The following ADAM2 variants were observed in gnomAD, a reference collection of about 807,000 sequenced individuals.
ADAM2 encodes disintegrin and metalloproteinase domain-containing protein 2.
ADAM2 carries 101 observed loss-of-function variants against 99.3 expected under a neutral mutation model. That is an observed-to-expected ratio of 1.02 (90% confidence interval 0.87 to 1.20). ADAM2 has a LOEUF of 1.20. ADAM2 is among the 50% of genes most tolerant of loss of function. ADAM2 has a pLI of 0.00. For missense variants in ADAM2, 948 were observed against 878.7 expected (o/e 1.08, Z -1.00); for synonymous variants, 323 against 287.6 (o/e 1.12, Z -1.25).
chr8:39,757,263 A>C (rs1233268898), intron 15 of ADAM2, among the ~76,000 whole-genome samples: 2 of 152,062 alleles, frequency 1.3e-5, no homozygotes, highest in African/African-American at 4.8e-5. Flanking sequence ...CTTTGGCTGG[A>C]AGGCATTGTA....
At chr8:39,824,919 GA>G in intron 3 of ADAM2, 22 bp from the exon 4 acceptor site, 1 of 1,065,552 alleles carries the variant, frequency 9.4e-7, no homozygotes, top group Non-Finnish European at 1.4e-6. Flanking sequence ...AGATAAAATG[GA>G]AAAATTTGAT....
chr8:39,820,093 T>C (rs1293868269), intron 6 of ADAM2, among the ~76,000 whole-genome samples: 2 of 152,110 alleles, frequency 1.3e-5, no homozygotes, highest in African/African-American at 4.8e-5. Context: ...ATCAAAGACT[T>C]ATGAAGGCAA....
Position 39,795,716 on chromosome 8 carries a change from A to AAAACAC in ADAM2, c.571-6977_571-6976insGTGTTT, listed in dbSNP as rs1803909295. Among the ~76,000 whole-genome samples the AAAACAC allele has an allele frequency of 1.5e-4, 23 of 152,308 alleles. 1 individual carries two copies. The South Asian group carries it at 3.7e-3, about 25-fold the overall frequency. On this transcript the variant is annotated intron_variant, in intron 7 of 20. Coordinates refer to ENST00000265708, the MANE Select transcript of ADAM2 (RefSeq NM_001464.5). ...GACCTCCTAAGACTGTGTTAAGGGC[A>AAAACAC]TGTTCTTAACCTTGGCAAAACAAAC...
Position 39,769,527 on chromosome 8 carries a change from A to G in ADAM2, c.1077T>C (p.Phe359=). The G allele has an allele frequency of 6.2e-7, 1 of 1,613,922 alleles. No individual in the cohort carries two copies. Among genetic ancestry groups the G allele is most frequent in the East Asian group, 2.2e-5 (1 of 44,874 alleles). Residue 359 remains phenylalanine, a synonymous_variant, in exon 12 of 21, where the codon TTT becomes TTC. Transcript: ENST00000265708. ...ACTTCTGCTTTGAAATAAAATGTGC[A>G]AAGTCTTCGAAGCTGCAGTTACTAA... ...KIFSNCSFED[F]AHFISKQKSQ... is the part of the protein sequence containing the mutation.
chr8:39,813,175 A>T (rs1343050773), intron 6 of ADAM2, among the ~76,000 whole-genome samples: 4 of 152,218 alleles, frequency 2.6e-5, no homozygotes, highest in Non-Finnish European at 4.4e-5. Context: ...AAAAATGCTC[A>T]TCATCACTGG....
chr8:39,837,813 G>C (rs943334997), intron 1 of ADAM2, among the ~76,000 whole-genome samples: 5 of 152,144 alleles, frequency 3.3e-5, no homozygotes, highest in African/African-American at 1.2e-4. Context: ...TCTTCAACTA[G>C]AGAGTACAGA....
At chr8:39,799,070 G>T (rs1804096659) in intron 7 of ADAM2, among the ~76,000 whole-genome samples, 2 of 151,914 alleles carry the variant, frequency 1.3e-5, no homozygotes, top group Admixed American at 1.3e-4. Flanking sequence ...GTTATTTCTT[G>T]TCTTCTGCCA....
chr8:39,773,785 G>C (rs1440242909), intron 11 of ADAM2, among the ~76,000 whole-genome samples: 1 of 151,818 alleles, frequency 6.6e-6, no homozygotes, highest in Non-Finnish European at 1.5e-5. Flanking sequence ...AAACAATTTA[G>C]AAAGAAATAG....
At chr8:39,745,371 A>G (rs554159766) in intron 19 of ADAM2, among the ~76,000 whole-genome samples, 1 of 152,264 alleles carries the variant, frequency 6.6e-6, no homozygotes, top group South Asian at 2.1e-4. Context: ...GCAATTTCAA[A>G]TCAACTTTTA....
At chr8:39,771,937 T>C (rs1403080280) in intron 11 of ADAM2, among the ~76,000 whole-genome samples, 1 of 151,856 alleles carries the variant, frequency 6.6e-6, no homozygotes, top group Non-Finnish European at 1.5e-5. Context: ...CATTAGAAAG[T>C]CAAATACGGG....
intron 7 of ADAM2, among the ~76,000 whole-genome samples, chr8:39,802,160 G>T (rs1230593507): frequency 6.6e-6 from 1 of 152,202 alleles, no homozygotes; most frequent in Admixed American, 6.5e-5. Flanking sequence ...TCACAGTTCC[G>T]TGGGAAAAGC....
chr8:39,771,375 T>A (rs747332733), intron 11 of ADAM2, among the ~76,000 whole-genome samples: 3 of 152,218 alleles, frequency 2.0e-5, no homozygotes, highest in Non-Finnish European at 4.4e-5. Flanking sequence ...ATGTTACTAA[T>A]TTAATCATTC....
intron 11 of ADAM2, among the ~76,000 whole-genome samples, chr8:39,775,221 G>T (rs1007733843): frequency 6.6e-6 from 1 of 152,068 alleles, no homozygotes; most frequent in Admixed American, 6.6e-5. Context: ...TAGGAAAAAG[G>T]CTGGTTGACA....
intron 18 of ADAM2, 38 bp from the exon 19 acceptor site, chr8:39,746,669 C>T: frequency 6.7e-7 from 1 of 1,487,490 alleles, no homozygotes; most frequent in Non-Finnish European, 9.1e-7. Flanking sequence ...AAAGCAAGCA[C>T]CAGAAATATA....
intron 12 of ADAM2, among the ~76,000 whole-genome samples, chr8:39,768,822 G>A (rs1055800104): frequency 6.6e-6 from 1 of 152,076 alleles, no homozygotes; most frequent in African/African-American, 2.4e-5. Flanking sequence ...CTTCAGGGAG[G>A]GGAAAATAGG....
At chr8:39,818,075 C>G (rs979560107) in intron 6 of ADAM2, 1 of 151,826 alleles carries the variant, frequency 6.6e-6, no homozygotes. Context: ...CAACTCATTT[C>G]GTGAAGTTTG....
intron 16 of ADAM2, among the ~76,000 whole-genome samples, chr8:39,754,293 T>C (rs767763065): frequency 7.9e-5 from 12 of 152,140 alleles, no homozygotes; most frequent in Admixed American, 6.5e-5. Context: ...ACAAGATCTA[T>C]AGCTAAAAAC....
chr8:39,821,626 G>T lies in ADAM2; in HGVS notation c.304C>A (p.Pro102Thr). 6.2e-7 allele frequency: 1 copy of T among 1,608,556 alleles called. No homozygotes were observed. The change falls in exon 5 of 21, where the codon CCA becomes ACA. Residue 102 changes from proline to threonine, a missense_variant. Pro to Thr is a conservative substitution (Grantham distance 38). Transcript: ENST00000265708. ...CHYQGYIEGY[P>T]KSVVMVSTCT... ...GTGCTAACCATCACCACAGATTTTG[G>T]ATAACCTTCAATATACCCTTGGTAG...
intron 7 of ADAM2, among the ~76,000 whole-genome samples, chr8:39,802,285 T>C (rs1313596934): frequency 1.3e-5 from 2 of 152,190 alleles, no homozygotes; most frequent in Non-Finnish European, 2.9e-5. Flanking sequence ...CTCTTCCTTC[T>C]TTCCGTGGGT....
Sources: allele counts gnomAD v4.1 joint callset (sites outside exome capture counted in the v4.1 genomes callset), GRCh38; gene constraint gnomAD v4.1.1; transcripts MANE v1.5; gene names NCBI Gene and HGNC (gene_info 2026-07-23, HGNC 2026-07-21).